PCDH15: variants seen among roughly 807,000 people sequenced by gnomAD.
PCDH15 encodes protocadherin related 15, also known as protocadherin-15.
PCDH15 carries 129 observed loss-of-function variants against 178.5 expected under a neutral mutation model. The observed-to-expected ratio is 0.72, with a 90% CI of 0.63 to 0.84. PCDH15 has a LOEUF of 0.84. PCDH15 is among the 40% of genes least tolerant of loss of function. The pLI is 0.00. For synonymous variants in PCDH15, 800 were observed against 732.0 expected (o/e 1.09, Z -1.50); for missense variants, 2,230 against 2,099.9 (o/e 1.06, Z -1.21).
chr10:55,048,119 GA>G (rs748219223), intron 2 of PCDH15, among the ~76,000 whole-genome samples: 2 of 151,518 alleles, frequency 1.3e-5, no homozygotes, highest in Non-Finnish European at 3.0e-5. Flanking sequence ...ATATGTTTAA[GA>G]AAAAAGGAGG....
At chr10:54,446,164 T>C (rs184333493) in intron 3 of PCDH15, among the ~76,000 whole-genome samples, 51 of 151,752 alleles carry the variant, frequency 3.4e-4, no homozygotes, top group African/African-American at 1.2e-3. Flanking sequence ...ACATTAGAGT[T>C]GCAATGATAC....
At chr10:54,602,807 GGA>G (rs2092597505) in intron 2 of PCDH15, among the ~76,000 whole-genome samples, 1 of 151,818 alleles carries the variant, frequency 6.6e-6, no homozygotes. Context: ...TGCACCCCAG[GGA>G]TAAGTCCTAG....
intron 3 of PCDH15, among the ~76,000 whole-genome samples, chr10:54,392,468 CAAAAAAA>C (rs71007849): frequency 3.0e-5 from 2 of 66,124 alleles, no homozygotes; most frequent in East Asian, 5.5e-4. Flanking sequence ...GAGGCTGTCT[CAAAAAAA>C]AAAAAAAAAA....
intron 25 of PCDH15, among the ~76,000 whole-genome samples, chr10:53,918,713 AACACACACACACAC>A (rs5741702): frequency 0.011 from 1,688 of 147,050 alleles, 21 homozygotes; most frequent in African/African-American, 0.039. Context: ...CAAATACACA[AACACACACACACAC>A]ACACACACAC....
rs368249925 is a variant in PCDH15 at position 55,146,309 on chromosome 10, C to G, written c.-80+20267G>C. Among the ~76,000 whole-genome samples, 6 of 152,070 alleles carry G rather than the reference C, an allele frequency of 3.9e-5. 1 individual carries two copies. Among genetic ancestry groups the G allele is most frequent in the African/African-American group, 1.4e-4 (6 of 41,546 alleles). Reference sequence around the variant, plus strand: ...TTTTGACTGAAAGATATGAGCTCAGCTGGCAGTAAGATTTTGCCCTTTTGT... The same window carrying G: ...TTTTGACTGAAAGATATGAGCTCAGGTGGCAGTAAGATTTTGCCCTTTTGT... On this transcript the variant is annotated intron_variant, in intron 2 of 5. Transcript: ENST00000458638.
At chr10:54,155,791 T>TA (rs527427577) in intron 13 of PCDH15, among the ~76,000 whole-genome samples, 3,272 of 119,506 alleles carry the variant, frequency 0.027, 58 homozygotes, top group South Asian at 0.072. Context: ...GTGAGACTCT[T>TA]AAAAAAAAAA....
intron 2 of PCDH15, among the ~76,000 whole-genome samples, chr10:54,587,069 TA>T (rs2091524817): frequency 6.6e-6 from 1 of 152,190 alleles, no homozygotes; most frequent in African/African-American, 2.4e-5. Flanking sequence ...AGTAATTACA[TA>T]AGTACAAATT....
intron 2 of PCDH15, among the ~76,000 whole-genome samples, chr10:55,426,148 A>G (rs1264860881): frequency 6.6e-6 from 1 of 152,182 alleles, no homozygotes; most frequent in Non-Finnish European, 1.5e-5. Context: ...AATTAAATGC[A>G]TTATGTAAAA....
At position 55,193,674 on chromosome 10, in the gene PCDH15, T is replaced by C. The variant is rs376786399; in HGVS notation, c.-155-27023A>G. ...ACATTTAATCCATGAATAATGATAG[T>C]TTTTCAACTTATGTGTGTTTTTAAC... On this transcript the variant is annotated intron_variant, in intron 1 of 5. Coordinates refer to the PCDH15 transcript ENST00000458638. Among the ~76,000 whole-genome samples, 99 of 152,114 alleles carry C rather than the reference T, an allele frequency of 6.5e-4. 1 individual carries two copies. In the South Asian group the frequency reaches 0.02, roughly 31 times the overall value.
intron 26 of PCDH15, among the ~76,000 whole-genome samples, chr10:53,886,948 A>T (rs1260512513): frequency 1.3e-5 from 2 of 152,118 alleles, no homozygotes; most frequent in Non-Finnish European, 2.9e-5. Context: ...TATATTATAA[A>T]ACATCAGCAA....
chr10:55,548,980 T>C (rs868354604), intron 2 of PCDH15, among the ~76,000 whole-genome samples: 2 of 152,144 alleles, frequency 1.3e-5, no homozygotes, highest in Admixed American at 1.3e-4. Context: ...TTTAACACAT[T>C]TTATTAGAAA....
chr10:53,813,896 C>T (rs2075967937), intron 35 of PCDH15, among the ~76,000 whole-genome samples: 3 of 152,054 alleles, frequency 2.0e-5, no homozygotes, highest in Admixed American at 2.0e-4. Flanking sequence ...GGCATGTGCA[C>T]TCTGTAAAAA....
chr10:54,714,680 G>C (rs2095459244), intron 1 of PCDH15, among the ~76,000 whole-genome samples: 1 of 151,990 alleles, frequency 6.6e-6, no homozygotes, highest in South Asian at 2.1e-4. Flanking sequence ...CTTGAGGTTT[G>C]GGAAGTTAAG....
chr10:54,018,858 T>A (rs1196862832), intron 20 of PCDH15, among the ~76,000 whole-genome samples: 2 of 152,082 alleles, frequency 1.3e-5, no homozygotes, highest in South Asian at 2.1e-4. Context: ...CTTGGTAAAA[T>A]CTGAGCCATA....
chr10:55,506,418 G>T (rs1174732872), intron 2 of PCDH15: 1 of 151,448 alleles, frequency 6.6e-6, no homozygotes, highest in African/African-American at 2.4e-5. Flanking sequence ...TCTAAAGTTG[G>T]ATAATACTAT....
chr10:54,701,098 T>C (rs2095304485), intron 1 of PCDH15, among the ~76,000 whole-genome samples: 2 of 152,076 alleles, frequency 1.3e-5, no homozygotes. Flanking sequence ...GATTTCTTCC[T>C]ACATAATTAG....
chr10:54,830,214 C>T (rs994951577), intron 3 of PCDH15, among the ~76,000 whole-genome samples: 3 of 152,098 alleles, frequency 2.0e-5, no homozygotes, highest in African/African-American at 7.2e-5. Context: ...TACCATTTGA[C>T]CCAGCCATCC....
Position 55,005,124 on chromosome 10 carries a change from C to A in PCDH15, c.-79-107624G>T, listed in dbSNP as rs144548393. On this transcript the variant is annotated intron_variant, in intron 2 of 5. Transcript: ENST00000458638. Reference sequence around the variant, plus strand: ...TGATGGTACGTTCCTGTAGTCCCAGCTACGTGAAAAGCTGAAATGGCAGGA... The same window carrying A: ...TGATGGTACGTTCCTGTAGTCCCAGATACGTGAAAAGCTGAAATGGCAGGA... 4.8e-3 allele frequency among the ~76,000 whole-genome samples: 730 copies of A among 151,346 alleles called. 10 individuals carry two copies. The highest frequency in any genetic ancestry group is 0.017 in the African/African-American group (694 of 41,224).
rs979969445 is a variant in PCDH15 at position 55,190,769 on chromosome 10, A to T, written c.-155-24118T>A. 5.3e-5 allele frequency among the ~76,000 whole-genome samples: 8 copies of T among 151,708 alleles called. 1 individual carries two copies. The highest frequency in any genetic ancestry group is 1.9e-4 in the African/African-American group (8 of 41,314). ...TTTAGAGAAAAATAATTTACCATCC[A>T]TCTGTGAAACTGGTAAGATGCTTAA... On this transcript the variant is annotated intron_variant, in intron 1 of 5. Transcript: ENST00000458638.
Sources: gnomAD v4.1 joint callset for allele counts (sites outside exome capture counted in the v4.1 genomes callset) on GRCh38, gnomAD v4.1.1 for gene constraint, MANE v1.5 for transcripts, NCBI Gene and HGNC (gene_info 2026-07-23, HGNC 2026-07-21) for gene names.